Variants in DDX10 observed in about 807,000 individuals in gnomAD.
DDX10 encodes the protein DEAD-box helicase 10, also known as probable ATP-dependent RNA helicase DDX10.
A neutral mutation model predicts 104.3 loss-of-function variants in DDX10; 74 were observed. The observed-to-expected ratio is 0.71, with a 90% CI of 0.59 to 0.86. The LOEUF is 0.86. Among genes scored for constraint, DDX10 ranks in the 40% least tolerant of loss-of-function variants. DDX10 has a pLI of 0.00. For missense variants in DDX10, 952 were observed against 1,040.0 expected, an observed-to-expected ratio of 0.92 and a Z score of 1.16; for synonymous variants, 351 against 353.4, an observed-to-expected ratio of 0.99 and a Z score of 0.08.
intron 13 of DDX10, among the ~76,000 whole-genome samples, chr11:108,838,175 T>C (rs1862583215): frequency 6.6e-6 from 1 of 152,204 alleles, no homozygotes; most frequent in Non-Finnish European, 1.5e-5. Context: ...CCTTAAATAT[T>C]ATCAAATAGC....
chr11:108,910,218 G>C (rs1040698283), intron 16 of DDX10, among the ~76,000 whole-genome samples: 2 of 152,040 alleles, frequency 1.3e-5, no homozygotes, highest in Non-Finnish European at 2.9e-5. Flanking sequence ...CACTGTATAG[G>C]CACATCCAAA....
At chr11:108,707,765 A>G (rs906809652) in intron 10 of DDX10, among the ~76,000 whole-genome samples, 1 of 152,234 alleles carries the variant, frequency 6.6e-6, no homozygotes. Flanking sequence ...TAATAAAAAT[A>G]TGTTAAACCA....
rs76944279 is a variant in DDX10, at chr11:108,754,067, C to G, written c.1965+30605C>G. ...ACCTCATTCATTAAAGAATTTGTTTCTAACAGTTTTGATGCTGATTTATGT... is the reference window on the plus strand; with the variant it reads ...ACCTCATTCATTAAAGAATTTGTTTGTAACAGTTTTGATGCTGATTTATGT... On this transcript the variant is annotated intron_variant, in intron 13 of 17. Coordinates refer to ENST00000322536, the MANE Select transcript of DDX10 (RefSeq NM_004398.4). 2.4e-3 allele frequency among the ~76,000 whole-genome samples: 360 copies of G among 152,086 alleles called. 10 individuals carry two copies. The East Asian group carries it at 0.057, about 24-fold the overall frequency.
chr11:108,720,990 A>C (rs2094297669), intron 12 of DDX10, among the ~76,000 whole-genome samples: 1 of 151,856 alleles, frequency 6.6e-6, no homozygotes, highest in South Asian at 2.1e-4. Flanking sequence ...CATTGGCACA[A>C]TCTTATAGAA....
chr11:108,851,347 C>G (rs1396670266), intron 15 of DDX10, among the ~76,000 whole-genome samples: 2 of 152,082 alleles, frequency 1.3e-5, no homozygotes, highest in African/African-American at 4.8e-5. Flanking sequence ...TGTTTTGCTT[C>G]TTTCATATAT....
rs114382427 is a variant in DDX10 at position 108,826,779 on chromosome 11, G to A, written c.1966-11667G>A. On this transcript the variant is annotated intron_variant, in intron 13 of 17. Transcript: ENST00000322536. ...CCTCTGGGTCCAACCTCATTGAGAG[G>A]CCCTTGATCCAGAACACTGAAGCTC... Among the ~76,000 whole-genome samples the A allele has an allele frequency of 2.7e-3, 404 of 152,172 alleles. 1 individual carries two copies. The highest frequency in any genetic ancestry group is 9.3e-3 in the African/African-American group (386 of 41,526).
At chr11:108,836,930 A>T (rs1217178883) in intron 13 of DDX10, among the ~76,000 whole-genome samples, 1 of 152,228 alleles carries the variant, frequency 6.6e-6, no homozygotes, top group Non-Finnish European at 1.5e-5. Flanking sequence ...TCTGGTAATT[A>T]TAGATAAATG....
intron 13 of DDX10, among the ~76,000 whole-genome samples, chr11:108,824,624 C>T (rs1862371320): frequency 6.6e-6 from 1 of 152,090 alleles, no homozygotes; most frequent in Admixed American, 6.5e-5. Flanking sequence ...AAAAATGTAT[C>T]AGGCACCGTT....
intron 1 of DDX10, 44 bp from the exon 2 acceptor site, chr11:108,673,423 G>T (rs377275416): frequency 7.4e-7 from 1 of 1,346,630 alleles, no homozygotes; most frequent in East Asian, 2.3e-5. Flanking sequence ...TGGCTGTGTC[G>T]TGAAACAAAT....
intron 15 of DDX10, 47 bp downstream of exon 15, chr11:108,841,523 G>T: frequency 6.6e-7 from 1 of 1,526,256 alleles, no homozygotes; most frequent in Non-Finnish European, 9.0e-7. Context: ...TTAGTGTCCC[G>T]AAGTATATCT....
At chr11:108,848,204 C>T (rs1862744611) in intron 15 of DDX10, among the ~76,000 whole-genome samples, 1 of 152,136 alleles carries the variant, frequency 6.6e-6, no homozygotes, top group Non-Finnish European at 1.5e-5. Flanking sequence ...CATACTAATA[C>T]CACTTATTCC....
At chr11:108,752,579 G>T (rs1167165026) in intron 13 of DDX10, among the ~76,000 whole-genome samples, 1 of 152,132 alleles carries the variant, frequency 6.6e-6, no homozygotes, top group Admixed American at 6.6e-5. Flanking sequence ...TTCTGAGTAG[G>T]TAGCTGATGA....
chr11:108,733,128 T>C (rs1158181222), intron 13 of DDX10, among the ~76,000 whole-genome samples: 2 of 151,052 alleles, frequency 1.3e-5, no homozygotes, highest in Non-Finnish European at 3.0e-5. Flanking sequence ...TTTTTTTTAG[T>C]AGCTTTTTCT....
At chr11:108,835,446 T>C (rs1462210521) in intron 13 of DDX10, among the ~76,000 whole-genome samples, 1 of 152,182 alleles carries the variant, frequency 6.6e-6, no homozygotes, top group East Asian at 1.9e-4. Context: ...AGAAGTCTTG[T>C]GATGTGTATA....
intron 13 of DDX10, among the ~76,000 whole-genome samples, chr11:108,760,175 C>G (rs953812279): frequency 1.4e-4 from 21 of 151,708 alleles, no homozygotes; most frequent in Non-Finnish European, 2.6e-4. Flanking sequence ...ATTCCCCCCC[C>G]ACCCTTAGCA....
At chr11:108,803,793 A>ATT (rs1862059097) in intron 13 of DDX10, among the ~76,000 whole-genome samples, 2 of 152,304 alleles carry the variant, frequency 1.3e-5, no homozygotes, top group South Asian at 4.1e-4. Context: ...TGTGTTGGTT[A>ATT]TAAAGTGATC....
intron 13 of DDX10, among the ~76,000 whole-genome samples, chr11:108,731,425 T>A (rs1018001552): frequency 2.6e-5 from 4 of 152,126 alleles, no homozygotes; most frequent in Admixed American, 6.5e-5. Flanking sequence ...AATACTTATT[T>A]TCACTCGTGT....
rs190189627 is a variant in DDX10 at position 108,781,140 on chromosome 11, T to C, written c.1966-57306T>C. Among the ~76,000 whole-genome samples the C allele has an allele frequency of 1.2e-3, 182 of 152,312 alleles. 2 individuals carry two copies. Among genetic ancestry groups the C allele is most frequent in the African/African-American group, 4.2e-3 (175 of 41,574 alleles). The stretch of plus-strand genomic sequence containing the variant: ...GTGCTCAGTGTTTAGCTCCCACTTA[T>C]AAGTGAGAACATGTGGCATTTGGTT... On this transcript the variant is annotated intron_variant, in intron 13 of 17. Transcript: ENST00000322536.
At chr11:108,936,751 A>T (rs925482912) in intron 17 of DDX10, among the ~76,000 whole-genome samples, 2 of 152,202 alleles carry the variant, frequency 1.3e-5, no homozygotes, top group African/African-American at 4.8e-5. Flanking sequence ...AATTAAAAGT[A>T]GCTATCCCTT....
Sources: allele counts gnomAD v4.1 joint callset (sites outside exome capture counted in the v4.1 genomes callset), GRCh38; gene constraint gnomAD v4.1.1; transcripts MANE v1.5; gene names NCBI Gene and HGNC (gene_info 2026-07-23, HGNC 2026-07-21).